The following LDLRAD3 variants were observed in gnomAD, a reference collection of about 807,000 sequenced individuals.
LDLRAD3 encodes the protein low-density lipoprotein receptor class A domain-containing protein 3.
In LDLRAD3, 20 loss-of-function variants were observed where a neutral mutation model predicts 29.4. The ratio of observed to expected loss-of-function variants is 0.68; its 90% CI spans 0.48 to 0.99. LDLRAD3 has a LOEUF of 0.99. LDLRAD3 is among the 50% of genes least tolerant of loss of function. LDLRAD3 has a pLI of 0.00. For missense variants in LDLRAD3, 420 were observed against 454.3 expected, an observed-to-expected ratio of 0.92 and a Z score of 0.69; for synonymous variants, 157 against 192.7, an observed-to-expected ratio of 0.81 and a Z score of 1.53.
At chr11:35,952,297 G>A (rs150674165) in intron 1 of LDLRAD3, among the ~76,000 whole-genome samples, 1,805 of 152,292 alleles carry the variant, frequency 0.012, 15 homozygotes, top group Non-Finnish European at 0.019. Context: ...TATGTGTTGG[G>A]AGAAGAATTG....
chr11:36,119,637 T>C (rs1447906645), intron 4 of LDLRAD3, among the ~76,000 whole-genome samples: 1 of 152,094 alleles, frequency 6.6e-6, no homozygotes, highest in Non-Finnish European at 1.5e-5. Context: ...GTATGCTTTC[T>C]TGTGAGAAAT....
At chr11:36,158,818 T>C (rs1263491746) in intron 4 of LDLRAD3, among the ~76,000 whole-genome samples, 1 of 152,176 alleles carries the variant, frequency 6.6e-6, no homozygotes, top group Non-Finnish European at 1.5e-5. Context: ...TACGTAATAA[T>C]TGTACATATT....
intron 1 of LDLRAD3, among the ~76,000 whole-genome samples, chr11:36,006,434 C>T (rs114905353): frequency 0.013 from 1,984 of 152,290 alleles, 47 homozygotes; most frequent in African/African-American, 0.045. Flanking sequence ...TTAGTGAAAG[C>T]GCTGAGCTGT....
rs149227240 is a variant in LDLRAD3 at position 36,227,689 on chromosome 11, A to G, written c.800+259A>G. Among the ~76,000 whole-genome samples the G allele has an allele frequency of 1.7e-3, 262 of 152,338 alleles. 1 individual carries two copies. The highest frequency in any genetic ancestry group is 0.01 in the Middle Eastern group (3 of 294). On this transcript the variant is annotated intron_variant, in intron 5 of 5. Transcript: ENST00000315571. The stretch of plus-strand genomic sequence containing the variant: ...GATTATGGTGATAGTTGCACAAATC[A>G]GGAAATTTCCAAATTCTACAGATGA...
At chr11:36,054,139 T>A (rs769014954) in intron 2 of LDLRAD3, among the ~76,000 whole-genome samples, 3 of 152,216 alleles carry the variant, frequency 2.0e-5, no homozygotes, top group Non-Finnish European at 4.4e-5. Flanking sequence ...TTCCCCCCCA[T>A]TTTCTGCATT....
chr11:35,979,485 T>C (rs917655822), intron 1 of LDLRAD3, among the ~76,000 whole-genome samples: 1 of 152,178 alleles, frequency 6.6e-6, no homozygotes, highest in Non-Finnish European at 1.5e-5. Flanking sequence ...TGCAGTTGTG[T>C]TGTAGTATGA....
chr11:36,125,760 G>A (rs985167075), intron 4 of LDLRAD3, among the ~76,000 whole-genome samples: 3 of 152,200 alleles, frequency 2.0e-5, no homozygotes, highest in Non-Finnish European at 2.9e-5. Context: ...AGTTATTTTG[G>A]TGGAGGTGGA....
chr11:36,156,449 C>G (rs922919904), intron 4 of LDLRAD3, among the ~76,000 whole-genome samples: 5 of 152,234 alleles, frequency 3.3e-5, no homozygotes, highest in African/African-American at 9.6e-5. Context: ...CAGGTCCACC[C>G]ATTTGCCATT....
chr11:35,955,286 TAGTA>T (rs1196911762), intron 1 of LDLRAD3, among the ~76,000 whole-genome samples: 1 of 152,012 alleles, frequency 6.6e-6, no homozygotes, highest in Non-Finnish European at 1.5e-5. Flanking sequence ...ACACATGAAA[TAGTA>T]AGGAACAATT....
intron 1 of LDLRAD3, among the ~76,000 whole-genome samples, chr11:35,954,477 A>C (rs922077829): frequency 4.6e-5 from 7 of 152,212 alleles, no homozygotes; most frequent in African/African-American, 1.4e-4. Flanking sequence ...AGTGCTTGGC[A>C]TAGTATCAGG....
chr11:36,062,114 C>T (rs1002506185), intron 2 of LDLRAD3, among the ~76,000 whole-genome samples: 2 of 152,268 alleles, frequency 1.3e-5, no homozygotes, highest in Non-Finnish European at 2.9e-5. Context: ...AAGCCCAGGG[C>T]AGTTAGGTAA....
rs553006619 is a variant in LDLRAD3, at chr11:36,207,580, G to A, written c.455-19505G>A. On this transcript the variant is annotated intron_variant, in intron 4 of 5. Coordinates refer to ENST00000315571, the MANE Select transcript of LDLRAD3 (RefSeq NM_174902.4). ...CAGGAGGATCACCTAAGGCTGGAAG[G>A]CTGAAGCTGCAGTAAGCCATGATTG... Among the ~76,000 whole-genome samples, 79 of 152,236 alleles carry A rather than the reference G, an allele frequency of 5.2e-4. 1 individual carries two copies. The highest frequency in any genetic ancestry group is 1.9e-3 in the African/African-American group (77 of 41,544).
At chr11:36,158,474 C>T (rs193086162) in intron 4 of LDLRAD3, among the ~76,000 whole-genome samples, 5 of 151,398 alleles carry the variant, frequency 3.3e-5, no homozygotes, top group Admixed American at 2.0e-4. Context: ...TTTAAAATTG[C>T]AACCCATCAC....
intron 4 of LDLRAD3, among the ~76,000 whole-genome samples, chr11:36,180,519 G>A (rs1022334269): frequency 3.9e-5 from 6 of 152,154 alleles, no homozygotes; most frequent in Non-Finnish European, 8.8e-5. Context: ...GGGAGCTGGG[G>A]ACAGCTGAAG....
intron 2 of LDLRAD3, among the ~76,000 whole-genome samples, chr11:36,062,645 C>T (rs920447734): frequency 6.6e-6 from 1 of 152,098 alleles, no homozygotes; most frequent in African/African-American, 2.4e-5. Flanking sequence ...GGGGTGGTTA[C>T]CTTCATGCTG....
intron 4 of LDLRAD3, among the ~76,000 whole-genome samples, chr11:36,133,527 G>A (rs1853958853): frequency 6.9e-6 from 1 of 144,922 alleles, no homozygotes; most frequent in African/African-American, 2.6e-5. Context: ...CCCAGCCCAA[G>A]TCCGTTTTCT....
chr11:35,979,428 G>A (rs1415193469), intron 1 of LDLRAD3, among the ~76,000 whole-genome samples: 1 of 152,180 alleles, frequency 6.6e-6, no homozygotes, highest in African/African-American at 2.4e-5. Flanking sequence ...TGCAGTTTTG[G>A]CCACAGGATA....
intron 2 of LDLRAD3, among the ~76,000 whole-genome samples, chr11:36,047,105 C>T (rs1055647583): frequency 2.6e-5 from 4 of 152,176 alleles, no homozygotes; most frequent in African/African-American, 9.7e-5. Flanking sequence ...CTCCACTCTC[C>T]AGCCCTGTTT....
chr11:36,039,229 A>C (rs971909802), intron 2 of LDLRAD3, among the ~76,000 whole-genome samples: 6 of 152,174 alleles, frequency 3.9e-5, no homozygotes, highest in East Asian at 3.9e-4. Flanking sequence ...TCGGCCTCCC[A>C]AAGTGCTGGG....
Sources: allele counts gnomAD v4.1 joint callset (sites outside exome capture counted in the v4.1 genomes callset), GRCh38; gene constraint gnomAD v4.1.1; transcripts MANE v1.5; gene names NCBI Gene and HGNC (gene_info 2026-07-23, HGNC 2026-07-21).